PSD3: variants seen among roughly 807,000 people sequenced by gnomAD.
PSD3 encodes the protein pleckstrin and Sec7 domain containing 3.
A neutral mutation model predicts 105.5 loss-of-function variants in PSD3; 49 were observed. That is an observed-to-expected ratio of 0.46 (90% CI 0.37 to 0.59). The LOEUF (loss-of-function observed/expected upper bound fraction) is 0.59. Among genes scored for constraint, PSD3 ranks in the 20% least tolerant of loss-of-function variants. The probability of loss-of-function intolerance (pLI) is 0.00; values close to 1 mark genes in which losing one functional copy is unlikely to be tolerated. For synonymous variants in PSD3, 557 were observed against 457.8 expected (o/e 1.22, Z -2.77); for missense variants, 1,561 against 1,263.8 (o/e 1.24, Z -3.57).
chr8:18,749,185 C>T (rs1036389872), intron 9 of PSD3, among the ~76,000 whole-genome samples: 1 of 152,182 alleles, frequency 6.6e-6, no homozygotes, highest in South Asian at 2.1e-4. Flanking sequence ...TAGTAACTAA[C>T]ACATGGAGTA....
intron 2 of PSD3, among the ~76,000 whole-genome samples, chr8:18,899,869 T>A (rs770450451): frequency 2.0e-5 from 3 of 152,200 alleles, no homozygotes; most frequent in African/African-American, 4.8e-5. Context: ...GCATTCCTCA[T>A]CATAAATCCA....
At chr8:19,071,371 C>T (rs964537755) in intron 1 of PSD3, among the ~76,000 whole-genome samples, 1 of 152,076 alleles carries the variant, frequency 6.6e-6, no homozygotes, top group African/African-American at 2.4e-5. Flanking sequence ...ACTGTAGGTA[C>T]ATAATAATCA....
intron 1 of PSD3, among the ~76,000 whole-genome samples, chr8:19,026,246 G>C (rs1827545715): frequency 6.6e-6 from 1 of 152,146 alleles, no homozygotes; most frequent in South Asian, 2.1e-4. Flanking sequence ...TATCCCATAG[G>C]ACCGTCATAT....
intron 1 of PSD3, among the ~76,000 whole-genome samples, chr8:18,986,728 G>A (rs1378791632): frequency 5.3e-5 from 8 of 151,976 alleles, no homozygotes; most frequent in Admixed American, 5.2e-4. Context: ...AAACCCAACG[G>A]GCTAACGTAG....
chr8:18,628,602 T>A (rs1198194254), intron 11 of PSD3, among the ~76,000 whole-genome samples: 1 of 151,914 alleles, frequency 6.6e-6, no homozygotes, highest in African/African-American at 2.4e-5. Context: ...GGTTTCTGCT[T>A]AAAGCAAAAA....
chr8:18,964,296 CT>C (rs140121396), intron 1 of PSD3, among the ~76,000 whole-genome samples: 10 of 151,844 alleles, frequency 6.6e-5, no homozygotes, highest in Non-Finnish European at 1.5e-4. Flanking sequence ...ATTGTTTTAA[CT>C]TTTTTTTGTA....
At chr8:18,907,215 T>G (rs1282286442) in intron 2 of PSD3, among the ~76,000 whole-genome samples, 1 of 152,214 alleles carries the variant, frequency 6.6e-6, no homozygotes, top group Admixed American at 6.5e-5. Flanking sequence ...CAGTGGACAG[T>G]GATGTCCTAG....
intron 9 of PSD3, among the ~76,000 whole-genome samples, chr8:18,744,090 G>T (rs1265743261): frequency 6.6e-6 from 1 of 151,506 alleles, no homozygotes; most frequent in South Asian, 2.1e-4. Context: ...AACATAAATG[G>T]TATCATTCCA....
intron 9 of PSD3, among the ~76,000 whole-genome samples, chr8:18,726,440 T>C (rs904776492): frequency 1.3e-5 from 2 of 152,238 alleles, no homozygotes. Context: ...ATCCTTATTT[T>C]AATATCAACT....
At chr8:18,583,474 T>C (rs577262958) in intron 12 of PSD3, among the ~76,000 whole-genome samples, 2 of 152,098 alleles carry the variant, frequency 1.3e-5, no homozygotes, top group African/African-American at 4.8e-5. Context: ...ATTTAAAACA[T>C]GTGATAGCTC....
chr8:18,923,166 C>T (rs1028763636), intron 2 of PSD3, among the ~76,000 whole-genome samples: 1 of 152,096 alleles, frequency 6.6e-6, no homozygotes. Flanking sequence ...ATAAAATACA[C>T]TAACACTACC....
chr8:18,799,170 T>C lies in PSD3; in HGVS notation c.2082+125A>G, dbSNP rs1457251497. ...TTCTTTTTTCAAAGATTTCTTTTTA[T>C]TCACCTGCCATGGGAACCATGTAGA... On this transcript the variant is annotated intron_variant, in intron 8 of 15. Transcript: ENST00000327040. The C allele has an allele frequency of 7.4e-6, 6 of 810,924 alleles. No homozygotes were observed. In the Admixed American group the frequency reaches 1.4e-4, roughly 19 times the overall value. The allele number at this position is 810,924 out of a possible 1,614,324, so 50.2% of individuals were successfully genotyped here. A position where few individuals can be genotyped will look rare whatever the true frequency, so the allele number is the denominator to read the frequency against.
chr8:18,844,489 T>C (rs1814915798), intron 4 of PSD3, among the ~76,000 whole-genome samples: 1 of 152,166 alleles, frequency 6.6e-6, no homozygotes, highest in Non-Finnish European at 1.5e-5. Flanking sequence ...TGACTAAACA[T>C]GATCCCCCTC....
At chr8:18,660,543 T>C (rs1809270654) in intron 9 of PSD3, among the ~76,000 whole-genome samples, 1 of 152,168 alleles carries the variant, frequency 6.6e-6, no homozygotes, top group African/African-American at 2.4e-5. Context: ...CCAGGGTCAG[T>C]CCCTAGGACA....
chr8:18,924,775 C>T (rs1821256886), intron 2 of PSD3: 1 of 152,150 alleles, frequency 6.6e-6, no homozygotes, highest in African/African-American at 2.4e-5. Flanking sequence ...CACATTCTAT[C>T]TGTTATTCAG....
At chr8:18,550,852 C>T (rs1000583930) in intron 15 of PSD3, among the ~76,000 whole-genome samples, 14 of 152,290 alleles carry the variant, frequency 9.2e-5, no homozygotes, top group African/African-American at 3.4e-4. Flanking sequence ...ATCTCAGTTC[C>T]AGATCCAGAT....
intron 4 of PSD3, among the ~76,000 whole-genome samples, chr8:18,807,452 A>C (rs10086769): frequency 0.14 from 20,751 of 152,216 alleles, 1,554 homozygotes; most frequent in East Asian, 0.29. Flanking sequence ...TTTTAGACTC[A>C]ACTGTGTAAA....
At chr8:18,792,966 C>G (rs1038439284) in intron 8 of PSD3, among the ~76,000 whole-genome samples, 2 of 152,046 alleles carry the variant, frequency 1.3e-5, no homozygotes, top group African/African-American at 4.8e-5. Flanking sequence ...GAAAATGTGG[C>G]ACATATACAC....
intron 9 of PSD3, chr8:18,733,465 CTT>C (rs1803918198): frequency 6.6e-6 from 1 of 152,662 alleles, no homozygotes; most frequent in African/African-American, 2.4e-5. Context: ...AATCCTGACT[CTT>C]TGAGAATAGC....
Sources: gnomAD v4.1 joint callset for allele counts (sites outside exome capture counted in the v4.1 genomes callset) on GRCh38, gnomAD v4.1.1 for gene constraint, MANE v1.5 for transcripts, NCBI Gene and HGNC (gene_info 2026-07-23, HGNC 2026-07-21) for gene names.